KCNIP3: variants seen among roughly 807,000 people sequenced by gnomAD.
KCNIP3 encodes the protein calsenilin.
KCNIP3 carries 28 observed loss-of-function variants against 35.0 expected under a neutral mutation model. The ratio of observed to expected loss-of-function variants is 0.80; its 90% confidence interval spans 0.59 to 1.10. The LOEUF is 1.10. Among genes scored for constraint, KCNIP3 ranks in the 50% least tolerant of loss-of-function variants. The probability of loss-of-function intolerance (pLI) is 0.00; values close to 1 mark genes in which losing one functional copy is unlikely to be tolerated. For synonymous variants in KCNIP3, 134 were observed against 133.8 expected (o/e 1.00, Z -0.01); for missense variants, 295 against 338.4 (o/e 0.87, Z 1.01).
In KCNIP3 at chr2:95,374,315, G is replaced by A; in HGVS notation, c.201G>A (p.Leu67=). 6.2e-7 allele frequency: 1 copy of A among 1,614,080 alleles called. No homozygotes were observed. Among genetic ancestry groups the A allele is most frequent in the Non-Finnish European group, 8.5e-7 (1 of 1,179,956 alleles). ...CTCCAGATAGCAGCGACAGTGAGCT[G>A]GAGCTGTCCACGGTGCGCCACCAGC... ...PQGSDSSDSE[L]ELSTVRHQPE... The change falls in exon 3 of 9, where the codon CTG becomes CTA. Residue 67 remains leucine, a synonymous_variant. Coordinates refer to ENST00000295225, the MANE Select transcript of KCNIP3 (RefSeq NM_013434.5).
chr2:95,340,581 C>A (rs1190894177), intron 2 of KCNIP3, among the ~76,000 whole-genome samples: 1 of 152,194 alleles, frequency 6.6e-6, no homozygotes, highest in African/African-American at 2.4e-5. Context: ...CCAGCAATTT[C>A]GGCATGGCAT....
chr2:95,375,093 C>A, intron 4 of KCNIP3, 45 bp from the exon 5 acceptor site: 1 of 1,596,548 alleles, frequency 6.3e-7, no homozygotes, highest in East Asian at 2.2e-5. Context: ...AGATGAGCCG[C>A]CAGGCAGCCC....
chr2:95,329,073 G>C (rs1212294285), intron 2 of KCNIP3, among the ~76,000 whole-genome samples: 1 of 152,210 alleles, frequency 6.6e-6, no homozygotes, highest in African/African-American at 2.4e-5. Context: ...TGCCTCTCTT[G>C]GCCTCCACTT....
chr2:95,331,954 C>T (rs1219983743), intron 2 of KCNIP3, among the ~76,000 whole-genome samples: 1 of 152,226 alleles, frequency 6.6e-6, no homozygotes, highest in Non-Finnish European at 1.5e-5. Flanking sequence ...CGCTGACATG[C>T]AGCGTCTGCA....
At chr2:95,347,789 T>C (rs1156367316) in intron 2 of KCNIP3, among the ~76,000 whole-genome samples, 1 of 152,232 alleles carries the variant, frequency 6.6e-6, no homozygotes, top group Non-Finnish European at 1.5e-5. Flanking sequence ...CCTGCACCTC[T>C]GGCCGTGGGG....
chr2:95,304,111 G>A (rs1678113140), intron 1 of KCNIP3, among the ~76,000 whole-genome samples: 1 of 152,214 alleles, frequency 6.6e-6, no homozygotes, highest in African/African-American at 2.4e-5. Context: ...AGACTTGAGG[G>A]GTCGCCTGGC....
chr2:95,343,890 C>T (rs1282789825), intron 2 of KCNIP3, among the ~76,000 whole-genome samples: 1 of 152,044 alleles, frequency 6.6e-6, no homozygotes, highest in African/African-American at 2.4e-5. Flanking sequence ...GAGTGACCCC[C>T]CACCCCGACC....
chr2:95,358,933 C>T (rs773044834), intron 2 of KCNIP3, among the ~76,000 whole-genome samples: 1 of 152,158 alleles, frequency 6.6e-6, no homozygotes, highest in Non-Finnish European at 1.5e-5. Context: ...AGGAGTTGGA[C>T]ACCTGCCTGG....
chr2:95,364,678 C>G (rs1367013716), intron 2 of KCNIP3, among the ~76,000 whole-genome samples: 1 of 152,136 alleles, frequency 6.6e-6, no homozygotes, highest in African/African-American at 2.4e-5. Flanking sequence ...GGCACCTCCT[C>G]CCTTGTGTCT....
chr2:95,338,989 T>C (rs886972128), intron 2 of KCNIP3, among the ~76,000 whole-genome samples: 2 of 152,138 alleles, frequency 1.3e-5, no homozygotes, highest in Non-Finnish European at 2.9e-5. Context: ...GAGAGACCCA[T>C]CTGTACAGGC....
intron 1 of KCNIP3, among the ~76,000 whole-genome samples, chr2:95,309,923 G>T (rs1343150441): frequency 6.6e-6 from 1 of 152,184 alleles, no homozygotes; most frequent in Non-Finnish European, 1.5e-5. Context: ...GGGCCCTGCT[G>T]GGGGAGTGAG....
intron 2 of KCNIP3, 54 bp from the exon 3 acceptor site, chr2:95,374,242 G>A: frequency 6.3e-7 from 1 of 1,592,124 alleles, no homozygotes; most frequent in Non-Finnish European, 8.6e-7. Context: ...ACTGGAGCAA[G>A]ATGGAGGAGC....
intron 2 of KCNIP3, among the ~76,000 whole-genome samples, chr2:95,328,525 G>A (rs1311083026): frequency 1.3e-5 from 2 of 152,280 alleles, no homozygotes; most frequent in African/African-American, 2.4e-5. Flanking sequence ...TCTGGGGAGG[G>A]TGGGCTGGAC....
At chr2:95,314,913 G>A (rs1045174773) in intron 2 of KCNIP3, among the ~76,000 whole-genome samples, 6 of 152,184 alleles carry the variant, frequency 3.9e-5, no homozygotes, top group African/African-American at 1.4e-4. Context: ...ATCCAGCAGT[G>A]TCACTGGCAC....
At chr2:95,305,665 C>T (rs1354926691) in intron 1 of KCNIP3, among the ~76,000 whole-genome samples, 2 of 152,214 alleles carry the variant, frequency 1.3e-5, no homozygotes, top group African/African-American at 4.8e-5. Context: ...TGCCTCCCCC[C>T]ATCCTTAACC....
intron 2 of KCNIP3, among the ~76,000 whole-genome samples, chr2:95,348,266 G>A (rs1242951313): frequency 6.6e-6 from 1 of 152,252 alleles, no homozygotes; most frequent in Non-Finnish European, 1.5e-5. Context: ...TCGCTCGGCC[G>A]GATGCTGGCC....
At position 95,382,417 on chromosome 2, in the gene KCNIP3, G is replaced by A; in HGVS notation, c.596G>A (p.Gly199Asp). 1 of 1,607,600 alleles carries A rather than the reference G, an allele frequency of 6.2e-7. No homozygotes were observed. Among genetic ancestry groups the A allele is most frequent in the Non-Finnish European group, 8.5e-7 (1 of 1,177,418 alleles). The change falls in exon 7 of 9, where the codon GGC becomes GAC. Residue 199 changes from glycine (G) to aspartate (D), a missense_variant. By Grantham distance (94) the Gly-to-Asp change is moderately conservative. Coordinates refer to ENST00000295225, the MANE Select transcript of KCNIP3 (RefSeq NM_013434.5). This position sits in a 1 kb window ranked among gnomAD's most constrained non-coding sequence, Gnocchi z 4.5. ...AIMKSIYDMMGRHTYPILRED... is the reference protein window; with the variant it reads ...AIMKSIYDMMDRHTYPILRED... ...ATGAAGTCCATCTATGACATGATGG[G>A]CCGCCACACCTACCCCATCCTGCGG...
chr2:95,358,992 T>A (rs552062166), intron 2 of KCNIP3, among the ~76,000 whole-genome samples: 31 of 151,904 alleles, frequency 2.0e-4, no homozygotes, highest in Middle Eastern at 3.4e-3. Context: ...TTTTTTTTTT[T>A]AAAAAAAGGT....
At position 95,384,137 on chromosome 2, in the gene KCNIP3, A is replaced by G; in HGVS notation, c.*88A>G. On this transcript the variant is annotated 3_prime_UTR_variant, in exon 9 of 9. Transcript: ENST00000295225. ...AGGAGCAGCCTCCAAGAAACTTTTAAAAAATAGATTTGCAAAAAGTGAACA... is the reference window on the plus strand; with the variant it reads ...AGGAGCAGCCTCCAAGAAACTTTTAGAAAATAGATTTGCAAAAAGTGAACA... The G allele has an allele frequency of 8.4e-7, 1 of 1,190,176 alleles. No individual in the cohort carries two copies. Among genetic ancestry groups the G allele is most frequent in the Non-Finnish European group, 1.3e-6 (1 of 795,746 alleles). 73.7% of individuals were successfully genotyped at this position (1,190,176 alleles called of 1,614,324 possible).
Sources: gnomAD v4.1 joint callset for allele counts (sites outside exome capture counted in the v4.1 genomes callset) on GRCh38, gnomAD v4.1.1 for gene constraint, Gnocchi (gnomAD v3.1) non-coding constraint, MANE v1.5 for transcripts, NCBI Gene and HGNC (gene_info 2026-07-23, HGNC 2026-07-21) for gene names.